The following ZNF410 variants were observed in gnomAD, a reference collection of about 807,000 sequenced individuals.
ZNF410 encodes zinc finger protein 410.
Under a neutral mutation model 54.8 loss-of-function variants are expected in ZNF410, and 18 were observed. The ratio of observed to expected loss-of-function variants is 0.33; its 90% CI spans 0.23 to 0.49. The LOEUF (loss-of-function observed/expected upper bound fraction) is 0.49, where lower values mean the gene tolerates loss of function less well. Ranked by LOEUF, ZNF410 falls within the 20% of genes least tolerant of loss-of-function variation. ZNF410 has a pLI of 0.99. For synonymous variants in ZNF410, 191 were observed against 207.3 expected, an observed-to-expected ratio of 0.92 and a Z score of 0.68; for missense variants, 405 against 569.6, an observed-to-expected ratio of 0.71 and a Z score of 2.94.
At chr14:73,894,106 A>G (rs1333451757) in intron 3 of ZNF410, among the ~76,000 whole-genome samples, 174 bp downstream of exon 3, 3 of 152,254 alleles carry the variant, frequency 2.0e-5, no homozygotes, top group African/African-American at 7.2e-5. Context: ...AGTTTAAGCC[A>G]TAGGAATGGA....
intron 11 of ZNF410, among the ~76,000 whole-genome samples, chr14:73,929,243 G>A (rs41332547): frequency 1.4e-3 from 207 of 151,700 alleles, no homozygotes; most frequent in Non-Finnish European, 2.4e-3. Flanking sequence ...CACTAGTTTG[G>A]GTCCTCCAAT....
Position 73,904,236 on chromosome 14 carries a change from A to T in ZNF410, c.731+126A>T, listed in dbSNP as rs139152327. The T allele has an allele frequency of 1.7e-4, 168 of 969,884 alleles. 2 individuals carry two copies. In the East Asian group the frequency reaches 4.4e-3, roughly 26 times the overall value. The allele number at this position is 969,884 out of a possible 1,614,324, so 60.1% of individuals were successfully genotyped here. ...GGACTCCAGTTAACTTCTGGTTAAG[A>T]TATCTTTTTTTCTTTAATAGAAGGA... On this transcript the variant is annotated intron_variant, in intron 6 of 11. Transcript: ENST00000555044.
intron 8 of ZNF410, among the ~76,000 whole-genome samples, chr14:73,918,793 G>A (rs1205265359): frequency 1.4e-5 from 2 of 142,154 alleles, no homozygotes; most frequent in Non-Finnish European, 3.0e-5. Flanking sequence ...CTGCCTCCTC[G>A]GTTCACGCCA....
intron 11 of ZNF410, among the ~76,000 whole-genome samples, chr14:73,925,835 C>T (rs2055821532): frequency 6.6e-6 from 1 of 151,994 alleles, no homozygotes; most frequent in African/African-American, 2.4e-5. Context: ...AGTTCAAGAC[C>T]AGCCTGGGCA....
intron 3 of ZNF410, 153 bp from the exon 4 acceptor site, chr14:73,896,160 GTTC>G (rs2055314415): frequency 3.2e-6 from 2 of 619,386 alleles, no homozygotes; most frequent in Admixed American, 3.0e-5. Context: ...CCATCTCTCT[GTTC>G]TTCTGTGAGA....
chr14:73,921,115 G>A lies in ZNF410; in HGVS notation c.1129+10G>A. On this transcript the variant is annotated intron_variant, in intron 9 of 11. Coordinates refer to ENST00000555044, the MANE Select transcript of ZNF410 (RefSeq NM_021188.3). The stretch of plus-strand genomic sequence containing the variant: ...GAGCAGGAGCAAACTGGTGAGGAGG[G>A]TGGGCATAGTGGAACGCTGTACTAC... 2 of 1,613,574 alleles carry A rather than the reference G, an allele frequency of 1.2e-6. No homozygotes were observed. Among genetic ancestry groups the A allele is most frequent in the Non-Finnish European group, 1.7e-6 (2 of 1,179,868 alleles).
At chr14:73,906,821 G>GT (rs574410854) in intron 7 of ZNF410, among the ~76,000 whole-genome samples, 5 of 150,598 alleles carry the variant, frequency 3.3e-5, no homozygotes, top group East Asian at 1.9e-4. Context: ...TTTTCCCGTT[G>GT]TTTTTTTTTC....
chr14:73,902,943 G>C lies in ZNF410; in HGVS notation c.581-1017G>C, dbSNP rs192809852. Among the ~76,000 whole-genome samples, 367 of 152,258 alleles carry C rather than the reference G, an allele frequency of 2.4e-3. 7 individuals carry two copies. In the East Asian group the frequency reaches 0.06, roughly 25 times the overall value. On this transcript the variant is annotated intron_variant, in intron 5 of 11. Transcript: ENST00000555044. ...GTGGTTAGAAATTTAAAAATCATCT[G>C]AGTTTTTGAATTCCTTAAGTATTTT...
In ZNF410 at chr14:73,931,635, G is replaced by T; in HGVS notation, c.*94G>T. On this transcript the variant is annotated 3_prime_UTR_variant, in exon 12 of 12. Transcript: ENST00000555044. ...CCTTAGCCCACAACAGAACCAGAAT[G>T]AATCTTTGAAGGCACAAGACTCTGC... 8.5e-7 allele frequency: 1 copy of T among 1,182,606 alleles called. No individual in the cohort carries two copies. The highest frequency in any genetic ancestry group is 1.3e-5 in the South Asian group (1 of 76,988). The allele number at this position is 1,182,606 out of a possible 1,614,324, so 73.3% of individuals were successfully genotyped here. A position where few individuals can be genotyped will look rare whatever the true frequency, so the allele number is the denominator to read the frequency against.
chr14:73,903,467 A>C (rs948725435), intron 5 of ZNF410, among the ~76,000 whole-genome samples: 2 of 152,072 alleles, frequency 1.3e-5, no homozygotes, highest in African/African-American at 4.8e-5. Flanking sequence ...GAGGATGTAG[A>C]ACACTTGCAT....
intron 1 of ZNF410, among the ~76,000 whole-genome samples, chr14:73,890,371 A>G (rs2055210400): frequency 6.6e-6 from 1 of 151,126 alleles, no homozygotes; most frequent in South Asian, 2.1e-4. Flanking sequence ...TATTTTTAGT[A>G]GAGACGGGGT....
chr14:73,925,327 A>C (rs1007975586), intron 11 of ZNF410, among the ~76,000 whole-genome samples: 3 of 151,916 alleles, frequency 2.0e-5, no homozygotes, highest in Admixed American at 6.6e-5. Context: ...AGCTTTTATT[A>C]TGGAAATTTT....
chr14:73,900,195 CAA>C (rs60950253), intron 5 of ZNF410, among the ~76,000 whole-genome samples: 12 of 125,636 alleles, frequency 9.6e-5, no homozygotes, highest in East Asian at 2.3e-4. Context: ...CTTGGTCTCC[CAA>C]AAAAAAAAAA....
chr14:73,926,753 T>TC (rs755338231), intron 11 of ZNF410, among the ~76,000 whole-genome samples: 1 of 151,968 alleles, frequency 6.6e-6, no homozygotes, highest in African/African-American at 2.4e-5. Context: ...GGAGTTTTTG[T>TC]CCTAAAGATT....
intron 5 of ZNF410, 80 bp downstream of exon 5, chr14:73,898,342 ATAATT>A: frequency 1.4e-6 from 2 of 1,389,532 alleles, no homozygotes; most frequent in Non-Finnish European, 2.0e-6. Context: ...TGAGTTGTAT[ATAATT>A]TAAATTATTC....
Position 73,904,124 on chromosome 14 carries a change from A to C in ZNF410, c.731+14A>C. 11 of 1,611,128 alleles carry C rather than the reference A, an allele frequency of 6.8e-6. No homozygotes were observed. The highest frequency in any genetic ancestry group is 9.3e-6 in the Non-Finnish European group (11 of 1,178,554). Reference sequence around the variant, plus strand: ...CAAGACTCATCGGTGAGCAAATCCGAGATCTCATATTTGGATATACGTTGA... The same window carrying C: ...CAAGACTCATCGGTGAGCAAATCCGCGATCTCATATTTGGATATACGTTGA... On this transcript the variant is annotated intron_variant, in intron 6 of 11. Coordinates refer to ENST00000555044, the MANE Select transcript of ZNF410 (RefSeq NM_021188.3).
chr14:73,912,169 C>CTTTTT (rs34162465), intron 8 of ZNF410, among the ~76,000 whole-genome samples: 3 of 128,574 alleles, frequency 2.3e-5, no homozygotes, highest in African/African-American at 3.0e-5. Context: ...CTTTCACTTT[C>CTTTTT]TTTTTTTTTT....
intron 3 of ZNF410, among the ~76,000 whole-genome samples, chr14:73,894,184 A>T (rs998153070): frequency 6.6e-6 from 1 of 152,178 alleles, no homozygotes; most frequent in Non-Finnish European, 1.5e-5. Context: ...CTCTTTATTT[A>T]AGGTACAGGG....
rs566748681 is a variant in ZNF410, at chr14:73,893,850, A to G, written c.87A>G (p.Val29=). ...NTSIPLGQGL[V]ESEAKDITCL... is the part of the protein sequence containing the mutation. ...CCATCCCATTGGGACAGGGGCTTGT[A>G]GAATCAGAAGCTAAAGATATTACTT... The change falls in exon 3 of 12, where the codon GTA becomes GTG. Residue 29 remains valine, a synonymous_variant. Coordinates refer to ENST00000555044, the MANE Select transcript of ZNF410 (RefSeq NM_021188.3). 6.2e-7 allele frequency: 1 copy of G among 1,614,154 alleles called. No individual in the cohort carries two copies. The highest frequency in any genetic ancestry group is 1.7e-5 in the Admixed American group (1 of 60,000).
Sources: allele counts gnomAD v4.1 joint callset (sites outside exome capture counted in the v4.1 genomes callset), GRCh38; gene constraint gnomAD v4.1.1; transcripts MANE v1.5; gene names NCBI Gene and HGNC (gene_info 2026-07-23, HGNC 2026-07-21).